The following PLPPR4 variants were observed in gnomAD, a reference collection of about 807,000 sequenced individuals.
The protein encoded by PLPPR4 is phospholipid phosphatase-related protein type 4.
In PLPPR4, 24 loss-of-function variants were observed where a neutral mutation model predicts 56.6. That is an observed-to-expected ratio of 0.42 (90% CI 0.31 to 0.60). PLPPR4 has a LOEUF of 0.60. Among genes scored for constraint, PLPPR4 ranks in the 20% least tolerant of loss-of-function variants. The pLI is 0.13. For synonymous variants in PLPPR4, 326 were observed against 328.1 expected (o/e 0.99, Z 0.07); for missense variants, 654 against 885.8 (o/e 0.74, Z 3.32).
chr1:99,301,645 C>A, intron 5 of PLPPR4, 79 bp from the exon 6 acceptor site: 1 of 1,041,502 alleles, frequency 9.6e-7, no homozygotes, highest in Non-Finnish European at 1.4e-6. Flanking sequence ...TTGTATCAGA[C>A]TTTTAACTTT....
intron 2 of PLPPR4, among the ~76,000 whole-genome samples, chr1:99,289,440 T>C (rs1189918103): frequency 1.3e-5 from 2 of 152,092 alleles, no homozygotes; most frequent in African/African-American, 2.4e-5. Flanking sequence ...TTAATTTTCA[T>C]AGAACTTTAT....
intron 6 of PLPPR4, among the ~76,000 whole-genome samples, chr1:99,305,024 A>T (rs540817903): frequency 4.1e-4 from 62 of 152,324 alleles, no homozygotes; most frequent in African/African-American, 1.5e-3. Flanking sequence ...GTGCAATGGT[A>T]CTAAATTGAT....
intron 6 of PLPPR4, among the ~76,000 whole-genome samples, chr1:99,304,476 T>G (rs1416088192): frequency 6.6e-6 from 1 of 152,188 alleles, no homozygotes; most frequent in African/African-American, 2.4e-5. Flanking sequence ...TATGGAGAGC[T>G]TATAGTTTAG....
At chr1:99,264,047 G>A (rs1302138290), upstream of PLPPR4, 4 of 183,706 alleles carry the variant, frequency 2.2e-5, no homozygotes, top group Non-Finnish European at 3.3e-5. Flanking sequence ...CGTGGAGGTA[G>A]GGGTTGGTTT....
At chr1:99,278,260 A>G (rs1468157096) in intron 1 of PLPPR4, among the ~76,000 whole-genome samples, 1 of 152,088 alleles carries the variant, frequency 6.6e-6, no homozygotes, top group Non-Finnish European at 1.5e-5. Flanking sequence ...CCTTATACAA[A>G]TCATGGAATC....
At chr1:99,268,410 T>G (rs1250170177) in intron 1 of PLPPR4, among the ~76,000 whole-genome samples, 1 of 152,214 alleles carries the variant, frequency 6.6e-6, no homozygotes. Flanking sequence ...AGTGTCAAGG[T>G]ATCTCTAATT....
intron 1 of PLPPR4, among the ~76,000 whole-genome samples, chr1:99,264,960 G>A (rs1658853479): frequency 6.6e-6 from 1 of 152,210 alleles, no homozygotes; most frequent in Admixed American, 6.5e-5. Context: ...CCCTCCTGTA[G>A]TGCCTGTGTG....
At chr1:99,299,394 G>A (rs1659825011) in intron 4 of PLPPR4, among the ~76,000 whole-genome samples, 164 bp downstream of exon 4, 1 of 151,592 alleles carries the variant, frequency 6.6e-6, no homozygotes, top group African/African-American at 2.4e-5. Flanking sequence ...AACTCATTGG[G>A]GGCTTATTCC....
intron 1 of PLPPR4, among the ~76,000 whole-genome samples, chr1:99,270,245 C>T (rs1659021635): frequency 6.6e-6 from 1 of 152,094 alleles, no homozygotes. Flanking sequence ...AAGCTGGTCT[C>T]GAACTCCTGG....
intron 1 of PLPPR4, among the ~76,000 whole-genome samples, chr1:99,283,568 G>GT (rs982147029): frequency 3.3e-5 from 5 of 152,170 alleles, no homozygotes; most frequent in African/African-American, 9.7e-5. Flanking sequence ...TCAGCAGATG[G>GT]TAATTATAAG....
intron 4 of PLPPR4, among the ~76,000 whole-genome samples, 172 bp from the exon 5 acceptor site, chr1:99,300,737 G>A (rs548487276): frequency 7.9e-5 from 12 of 152,058 alleles, no homozygotes; most frequent in African/African-American, 2.9e-4. Context: ...GTGATTAGCA[G>A]CATTTATTTT....
At chr1:99,273,692 C>T (rs1659112828) in intron 1 of PLPPR4, among the ~76,000 whole-genome samples, 2 of 152,058 alleles carry the variant, frequency 1.3e-5, no homozygotes, top group South Asian at 2.1e-4. Flanking sequence ...TATGATGTGA[C>T]TTTTGGTAAA....
chr1:99,284,580 G>GA (rs1022352895), intron 1 of PLPPR4, among the ~76,000 whole-genome samples: 7 of 150,988 alleles, frequency 4.6e-5, no homozygotes, highest in African/African-American at 1.7e-4. Flanking sequence ...TGCGCCCAGA[G>GA]AAAAAAAGAT....
upstream of PLPPR4, chr1:99,264,390 C>G (rs1658834971): frequency 7.3e-7 from 1 of 1,372,002 alleles, no homozygotes; most frequent in African/African-American, 1.5e-5. Context: ...AGAGGACTGG[C>G]CCGCTCAGGG....
intron 1 of PLPPR4, 114 bp downstream of exon 1, chr1:99,264,785 C>A: frequency 1.9e-6 from 2 of 1,060,996 alleles, no homozygotes; most frequent in Non-Finnish European, 2.8e-6. Flanking sequence ...GCGCGGCTGT[C>A]CCCAAATGCC....
rs936842263 is a variant in PLPPR4, at chr1:99,309,377, T to A, written c.*2367T>A. 1 of 152,306 alleles carries A rather than the reference T, an allele frequency of 6.6e-6. No individual in the cohort carries two copies. Among genetic ancestry groups the A allele is most frequent in the South Asian group, 2.1e-4 (1 of 4,832 alleles). The allele number at this position is 152,306 out of a possible 1,614,324, so 9.4% of individuals were successfully genotyped here. On this transcript the variant is annotated 3_prime_UTR_variant, in exon 7 of 7. Transcript: ENST00000370185. ...AAAACCAAGTATTGAATAAAGAGAGTTAATTATCTTTTTAAAGTAAATAAA... is the reference window on the plus strand; with the variant it reads ...AAAACCAAGTATTGAATAAAGAGAGATAATTATCTTTTTAAAGTAAATAAA...
rs1659749704 is a variant in PLPPR4 at position 99,296,681 on chromosome 1, G to A, written c.265-57G>A. The A allele has an allele frequency of 3.5e-6, 5 of 1,421,954 alleles. No individual in the cohort carries two copies. In the Admixed American group the frequency reaches 6.4e-5, roughly 18 times the overall value. 88.1% of individuals were successfully genotyped at this position (1,421,954 alleles called of 1,614,324 possible). On this transcript the variant is annotated intron_variant, in intron 2 of 6. Coordinates refer to ENST00000370185, the MANE Select transcript of PLPPR4 (RefSeq NM_014839.5). ...AGTGATATATAATTCCTTTATACCT[G>A]TTGGCTTAATAGGTATTCCAACATG...
chr1:99,300,029 A>C (rs1659844308), intron 4 of PLPPR4, among the ~76,000 whole-genome samples: 2 of 152,022 alleles, frequency 1.3e-5, no homozygotes, highest in Admixed American at 1.3e-4. Context: ...CTGAATAATT[A>C]AAGCCTGATG....
Position 99,296,768 on chromosome 1 carries a change from T to C in PLPPR4, c.295T>C (p.Cys99Arg). The C allele has an allele frequency of 6.2e-7, 1 of 1,605,408 alleles. No individual in the cohort carries two copies. The highest frequency in any genetic ancestry group is 8.5e-7 in the Non-Finnish European group (1 of 1,174,088). ...GGTAGGAGAAGGAATTCTCTACTGT[T>C]GCCTCTCCAAAAGAAGAAATGGGGT... ...IMVGEGILYCCLSKRRNGVGL... is the reference protein window; with the variant it reads ...IMVGEGILYCRLSKRRNGVGL... Residue 99 changes from cysteine to arginine, a missense_variant, in exon 3 of 7, where the codon TGC becomes CGC. Physicochemically the swap from Cys to Arg is radical, Grantham distance 180. Around this residue, in one of 2 missense-constraint regions of PLPPR4, gnomAD observed 186 missense variants for 331.4 expected, o/e 0.56. Transcript: ENST00000370185.
Sources: allele counts gnomAD v4.1 joint callset (sites outside exome capture counted in the v4.1 genomes callset), GRCh38; gene constraint gnomAD v4.1.1; regional missense constraint gnomAD v4.1.1; transcripts MANE v1.5; gene names NCBI Gene and HGNC (gene_info 2026-07-23, HGNC 2026-07-21).